INTS8: variants seen among roughly 807,000 people sequenced by gnomAD.
INTS8 encodes integrator complex subunit 8, also known as protein kaonashi-1.
Under a neutral mutation model 138.9 loss-of-function variants are expected in INTS8, and 47 were observed. That is an observed-to-expected ratio of 0.34 (90% CI 0.27 to 0.43). The LOEUF is 0.43. Among genes scored for constraint, INTS8 ranks in the 20% least tolerant of loss-of-function variants. INTS8 has a pLI of 1.00. For missense variants in INTS8, 996 were observed against 1,173.0 expected (o/e 0.85, Z 2.20); for synonymous variants, 392 against 400.9 (o/e 0.98, Z 0.27).
intron 2 of INTS8, among the ~76,000 whole-genome samples, chr8:94,825,529 A>T (rs951348479): frequency 6.6e-6 from 1 of 152,098 alleles, no homozygotes; most frequent in East Asian, 1.9e-4. Flanking sequence ...CCACACCTAA[A>T]CTGTTGTAAA....
intron 10 of INTS8, among the ~76,000 whole-genome samples, chr8:94,848,812 A>G (rs1217824291): frequency 1.3e-5 from 2 of 152,030 alleles, no homozygotes; most frequent in African/African-American, 4.8e-5. Context: ...ATATTTAGCA[A>G]TTTCTTGAGA....
chr8:94,867,099 T>A, intron 18 of INTS8, 41 bp from the exon 19 acceptor site: 1 of 1,429,260 alleles, frequency 7.0e-7, no homozygotes, highest in Non-Finnish European at 9.7e-7. Flanking sequence ...TAAATAAATA[T>A]ACATACACTG....
intron 26 of INTS8, among the ~76,000 whole-genome samples, chr8:94,878,424 G>A (rs1300246537): frequency 6.6e-6 from 1 of 152,168 alleles, no homozygotes; most frequent in African/African-American, 2.4e-5. Context: ...TGGTGACCTT[G>A]TGAGTGCTAG....
chr8:94,852,499 A>C (rs930526095), intron 13 of INTS8, among the ~76,000 whole-genome samples: 3 of 152,174 alleles, frequency 2.0e-5, no homozygotes, highest in Non-Finnish European at 4.4e-5. Flanking sequence ...ATACAGGAGA[A>C]ATTAAAGCAA....
chr8:94,881,728 T>A lies in INTS8; in HGVS notation c.*1494T>A. The A allele has an allele frequency of 6.2e-7, 1 of 1,613,878 alleles. No homozygotes were observed. On this transcript the variant is annotated 3_prime_UTR_variant, in exon 27 of 27. Transcript: ENST00000523731. ...ACTGTCCCCCTTTTCTGAAGGTGTT[T>A]ATGTAATTTACTTCCTCCTATACAT...
intron 20 of INTS8, among the ~76,000 whole-genome samples, chr8:94,869,771 A>T (rs565849270): frequency 1.5e-4 from 23 of 152,090 alleles, no homozygotes; most frequent in African/African-American, 5.5e-4. Context: ...GATTACAGGC[A>T]TGAGCCACTG....
intron 5 of INTS8, 122 bp downstream of exon 5, chr8:94,829,148 T>G (rs2130993958): frequency 1.5e-6 from 1 of 684,846 alleles, no homozygotes; most frequent in Non-Finnish European, 2.6e-6. Context: ...CTGGATGTGG[T>G]GTGGGGGGCG....
At chr8:94,851,720 G>T (rs765403705) in intron 13 of INTS8, 34 bp downstream of exon 13, 7 of 1,533,474 alleles carry the variant, frequency 4.6e-6, no homozygotes, top group Non-Finnish European at 6.1e-6. Context: ...TAAGAAAATT[G>T]CCCTTGTTTT....
At chr8:94,879,169 GC>G (rs1816691718) in intron 26 of INTS8, among the ~76,000 whole-genome samples, 1 of 152,094 alleles carries the variant, frequency 6.6e-6, no homozygotes, top group Non-Finnish European at 1.5e-5. Flanking sequence ...ACCAACTTTT[GC>G]CACATGCATT....
chr8:94,875,064 T>G lies in INTS8; in HGVS notation c.2688+462T>G, dbSNP rs1318827332. Reference sequence around the variant, plus strand: ...TAGACTCAGGAAAACAGTTTCCCAGTTCCTCAAAAAGGTAAACATAAGAAT... The same window carrying G: ...TAGACTCAGGAAAACAGTTTCCCAGGTCCTCAAAAAGGTAAACATAAGAAT... On this transcript the variant is annotated intron_variant, in intron 23 of 26. Coordinates refer to ENST00000523731, the MANE Select transcript of INTS8 (RefSeq NM_017864.4). Among the ~76,000 whole-genome samples the G allele has an allele frequency of 2.0e-5, 3 of 152,114 alleles. No homozygotes were observed. In the East Asian group the frequency reaches 5.8e-4, roughly 29 times the overall value.
chr8:94,857,604 CAAGA>C (rs1466906669), intron 15 of INTS8, among the ~76,000 whole-genome samples: 3 of 152,152 alleles, frequency 2.0e-5, no homozygotes, highest in African/African-American at 7.2e-5. Context: ...CCAAAGGCTC[CAAGA>C]AAGACTCTTT....
intron 16 of INTS8, among the ~76,000 whole-genome samples, chr8:94,865,082 C>T (rs1816126994): frequency 6.6e-6 from 1 of 151,798 alleles, no homozygotes; most frequent in African/African-American, 2.4e-5. Flanking sequence ...GAGATCTGAG[C>T]ACTATTTTAA....
At chr8:94,838,292 C>T (rs111421635) in intron 7 of INTS8, among the ~76,000 whole-genome samples, 171 bp from the exon 8 acceptor site, 2,338 of 152,214 alleles carry the variant, frequency 0.015, 60 homozygotes, top group African/African-American at 0.053. Flanking sequence ...CCTTGTGATC[C>T]GCCAGTCTCG....
At chr8:94,838,348 C>A (rs1815010119) in intron 7 of INTS8, 115 bp from the exon 8 acceptor site, 3 of 831,328 alleles carry the variant, frequency 3.6e-6, no homozygotes, top group Admixed American at 2.4e-5. Context: ...CTGTGCCCAG[C>A]CCGGCTTGAA....
chr8:94,839,529 A>G (rs1441844083), intron 8 of INTS8, among the ~76,000 whole-genome samples: 1 of 152,142 alleles, frequency 6.6e-6, no homozygotes, highest in Non-Finnish European at 1.5e-5. Context: ...TTCACAGAAA[A>G]TAGGTGAAGA....
In INTS8 at chr8:94,880,232, T is replaced by C; in HGVS notation, c.2986T>C (p.Ter996GlnextTer6). The change falls in exon 27 of 27, where the codon TAA becomes CAA. Residue 996 changes from the stop codon to glutamine (Q), a stop_lost. Coordinates refer to ENST00000523731, the MANE Select transcript of INTS8 (RefSeq NM_017864.4). ...FLQAMAKLYF[*>Q] The stretch of plus-strand genomic sequence containing the variant: ...CCAAGCAATGGCAAAACTTTACTTT[T>C]AAGCAGTTAAATTTTTTTAACTTTT... 6.4e-7 allele frequency: 1 copy of C among 1,562,306 alleles called. No homozygotes were observed. Among genetic ancestry groups the C allele is most frequent in the Non-Finnish European group, 8.7e-7 (1 of 1,146,236 alleles).
intron 10 of INTS8, among the ~76,000 whole-genome samples, chr8:94,848,484 C>T (rs1815411927): frequency 6.6e-6 from 1 of 152,200 alleles, no homozygotes; most frequent in South Asian, 2.1e-4. Context: ...TGTCACTCTT[C>T]ATTTTCCCTC....
chr8:94,832,111 A>G lies in INTS8; in HGVS notation c.690A>G (p.Val230=), dbSNP rs760541827. Residue 230 remains valine, a synonymous_variant, in exon 6 of 27, where the codon GTA becomes GTG. Transcript: ENST00000523731. ...TATTGGCCATGGAACCAGGCATGGT[A>G]AATGGAGAAACTGAGAGTTCTACTG... ...LDLLAMEPGM[V]NGETESSTAG... 5.6e-6 allele frequency: 9 copies of G among 1,613,796 alleles called. No individual in the cohort carries two copies. The East Asian group carries it at 2.0e-4, about 36-fold the overall frequency.
At chr8:94,868,522 A>C (rs1816266088) in intron 20 of INTS8, among the ~76,000 whole-genome samples, 1 of 152,248 alleles carries the variant, frequency 6.6e-6, no homozygotes, top group South Asian at 2.1e-4. Flanking sequence ...CCAAGGGAGC[A>C]CCATGCTGCA....
Sources: gnomAD v4.1 joint callset for allele counts (sites outside exome capture counted in the v4.1 genomes callset) on GRCh38, gnomAD v4.1.1 for gene constraint, MANE v1.5 for transcripts, NCBI Gene and HGNC (gene_info 2026-07-23, HGNC 2026-07-21) for gene names.